SH3BGR: variants seen among roughly 807,000 people sequenced by gnomAD.
The protein encoded by SH3BGR is SH3 domain-binding glutamic acid-rich protein.
Under a neutral mutation model 24.5 loss-of-function variants are expected in SH3BGR, and 29 were observed. The observed-to-expected ratio is 1.18, with a 90% CI of 0.88 to 1.61. SH3BGR has a LOEUF of 1.61. Among genes scored for constraint, SH3BGR ranks in the 40% most tolerant of loss-of-function variants. The pLI is 0.00. For synonymous variants in SH3BGR, 55 were observed against 65.7 expected (o/e 0.84, Z 0.79); for missense variants, 162 against 205.8 (o/e 0.79, Z 1.30).
At chr21:39,500,521 C>T (rs1243438848) in intron 4 of SH3BGR, among the ~76,000 whole-genome samples, 3 of 151,990 alleles carry the variant, frequency 2.0e-5, no homozygotes, top group Non-Finnish European at 4.4e-5. Context: ...GAGTGCCAAG[C>T]TGACATAATA....
At chr21:39,496,502 G>A (rs1311051942) in intron 3 of SH3BGR, among the ~76,000 whole-genome samples, 5 of 76,094 alleles carry the variant, frequency 6.6e-5, no homozygotes, top group Non-Finnish European at 1.1e-4. Context: ...GCGAGACTCC[G>A]TCTCAAAAAA....
At chr21:39,455,437 A>C (rs2077639480) in intron 1 of SH3BGR, among the ~76,000 whole-genome samples, 1 of 152,212 alleles carries the variant, frequency 6.6e-6, no homozygotes, top group African/African-American at 2.4e-5. Context: ...AGAGGTGAAG[A>C]GTAGGAGTGT....
At chr21:39,454,501 G>A (rs1231138187) in intron 1 of SH3BGR, among the ~76,000 whole-genome samples, 2 of 152,186 alleles carry the variant, frequency 1.3e-5, no homozygotes, top group African/African-American at 4.8e-5. Context: ...GAGACCCTGG[G>A]GAGCAGGAGA....
Position 39,475,301 on chromosome 21 carries a change from A to C in SH3BGR, c.312+86A>C, listed in dbSNP as rs952967952. 5.1e-6 allele frequency: 4 copies of C among 789,514 alleles called. No homozygotes were observed. In the African/African-American group the frequency reaches 6.9e-5, roughly 14 times the overall value. 48.9% of individuals were successfully genotyped at this position (789,514 alleles called of 1,614,324 possible). On this transcript the variant is annotated intron_variant, in intron 3 of 6. Coordinates refer to ENST00000333634, the MANE Select transcript of SH3BGR (RefSeq NM_007341.3). ...CACCGCATCCAAGACTGTTTAATACATGATGATCTCTAAATTAACATTACT... is the reference window on the plus strand; with the variant it reads ...CACCGCATCCAAGACTGTTTAATACCTGATGATCTCTAAATTAACATTACT...
intron 3 of SH3BGR, among the ~76,000 whole-genome samples, chr21:39,480,991 CA>C (rs928297040): frequency 6.6e-6 from 1 of 152,206 alleles, no homozygotes; most frequent in Non-Finnish European, 1.5e-5. Flanking sequence ...TTCCTTTCCC[CA>C]TTCCTGATTC....
rs569511494 is a variant in SH3BGR, at chr21:39,458,647, C to CT, written c.46-3711dup. ...GCCACTGTGCCTGGCCTAAATCTCA[C>CT]TTTTTTTTTTTTTTTTTGAGACAGA... On this transcript the variant is annotated intron_variant, in intron 1 of 6. Transcript: ENST00000333634. Among the ~76,000 whole-genome samples the CT allele has an allele frequency of 5.9e-3, 769 of 130,258 alleles. 8 individuals are homozygous for CT. The highest frequency in any genetic ancestry group is 0.016 in the African/African-American group (566 of 34,984). 85.5% of individuals were successfully genotyped at this position (130,258 alleles called of 152,430 possible).
chr21:39,450,053 A>G (rs1031979400), upstream of SH3BGR, among the ~76,000 whole-genome samples: 6 of 150,818 alleles, frequency 4.0e-5, no homozygotes, highest in African/African-American at 1.5e-4. Context: ...TTATGCTACT[A>G]ACTTACAAAG....
chr21:39,453,384 A>G (rs1399436221), intron 1 of SH3BGR, among the ~76,000 whole-genome samples: 1 of 151,610 alleles, frequency 6.6e-6, no homozygotes, highest in Admixed American at 6.6e-5. Context: ...AGAAGGAGTA[A>G]ATTTTTTGGC....
rs575714496 is a variant in SH3BGR, at chr21:39,511,444, A to T, written c.436-236A>T. ...TGGGGGGGTGTGTGTGCTGTGTGTC[A>T]TGTGTGTTTCCGTGGTGTGTGTGTG... On this transcript the variant is annotated intron_variant, in intron 5 of 6. Transcript: ENST00000333634. The surrounding 1 kb of genome is among the most constrained non-coding windows in gnomAD (Gnocchi z 4.2). 1.1e-4 allele frequency among the ~76,000 whole-genome samples: 14 copies of T among 129,904 alleles called. No homozygotes were observed. In the East Asian group the frequency reaches 1.9e-3, roughly 17 times the overall value. 85.2% of individuals were successfully genotyped at this position (129,904 alleles called of 152,430 possible).
chr21:39,480,691 C>T (rs541096630), intron 3 of SH3BGR, among the ~76,000 whole-genome samples: 130 of 152,282 alleles, frequency 8.5e-4, no homozygotes, highest in African/African-American at 3.1e-3. Flanking sequence ...ATTTCCAATA[C>T]TTCTACAGTT....
intron 4 of SH3BGR, among the ~76,000 whole-genome samples, chr21:39,505,107 C>T (rs1602170085): frequency 6.6e-6 from 1 of 152,310 alleles, no homozygotes; most frequent in South Asian, 2.1e-4. Flanking sequence ...GCCACCACGC[C>T]CAGCCATTAT....
chr21:39,474,654 C>T (rs2077997223), intron 2 of SH3BGR, among the ~76,000 whole-genome samples: 1 of 152,064 alleles, frequency 6.6e-6, no homozygotes, highest in South Asian at 2.1e-4. Flanking sequence ...AAACAGTCGC[C>T]CTCTATGTCC....
upstream of SH3BGR, chr21:39,451,888 A>C: frequency 6.2e-7 from 1 of 1,612,056 alleles, no homozygotes; most frequent in Non-Finnish European, 8.5e-7. Flanking sequence ...TTCCTGGGCC[A>C]ATGGAGGGAG....
chr21:39,496,533 T>C (rs2078400970), intron 3 of SH3BGR, among the ~76,000 whole-genome samples: 1 of 151,258 alleles, frequency 6.6e-6, no homozygotes, highest in South Asian at 2.1e-4. Flanking sequence ...AAAAAAATTA[T>C]CTTTATTTGC....
chr21:39,489,683 G>A (rs1297568296), intron 3 of SH3BGR, among the ~76,000 whole-genome samples: 2 of 152,176 alleles, frequency 1.3e-5, no homozygotes, highest in African/African-American at 4.8e-5. Flanking sequence ...AAATCTCTGG[G>A]GAGCTGTTAA....
chr21:39,501,528 A>G (rs2078494000), intron 4 of SH3BGR, among the ~76,000 whole-genome samples: 1 of 152,208 alleles, frequency 6.6e-6, no homozygotes, highest in African/African-American at 2.4e-5. Flanking sequence ...AGTGAAAAAT[A>G]TTTTTATTTT....
At position 39,502,199 on chromosome 21, in the gene SH3BGR, T is replaced by C. The variant is rs188867097; in HGVS notation, c.405+2284T>C. 1.6e-3 allele frequency among the ~76,000 whole-genome samples: 242 copies of C among 152,170 alleles called. 3 individuals carry two copies. The South Asian group carries it at 0.018, about 11-fold the overall frequency. ...AAAAAATTGCTGAAATGGGAGGACATTGTGGGCTATTTGTAAAGGCATCTC... is the reference window on the plus strand; with the variant it reads ...AAAAAATTGCTGAAATGGGAGGACACTGTGGGCTATTTGTAAAGGCATCTC... On this transcript the variant is annotated intron_variant, in intron 4 of 6. Coordinates refer to ENST00000333634, the MANE Select transcript of SH3BGR (RefSeq NM_007341.3).
intron 3 of SH3BGR, among the ~76,000 whole-genome samples, chr21:39,498,688 C>T (rs538053898): frequency 3.3e-5 from 5 of 152,276 alleles, no homozygotes; most frequent in African/African-American, 1.2e-4. Context: ...CAGAGGTAAA[C>T]ACTGGTGTCT....
intron 6 of SH3BGR, among the ~76,000 whole-genome samples, chr21:39,512,454 T>A (rs2078712644): frequency 6.6e-6 from 1 of 152,172 alleles, no homozygotes; most frequent in African/African-American, 2.4e-5. Flanking sequence ...TAAACTTCCC[T>A]TGATGATGGA....
Sources: gnomAD v4.1 joint callset for allele counts (sites outside exome capture counted in the v4.1 genomes callset) on GRCh38, gnomAD v4.1.1 for gene constraint, Gnocchi (gnomAD v3.1) non-coding constraint, MANE v1.5 for transcripts, NCBI Gene and HGNC (gene_info 2026-07-23, HGNC 2026-07-21) for gene names.